The following YTHDF3 variants were observed in gnomAD, a reference collection of about 807,000 sequenced individuals.
YTHDF3 encodes the protein YTH N6-methyladenosine RNA binding protein F3.
In YTHDF3, 9 loss-of-function variants were observed where a neutral mutation model predicts 52.5. That is an observed-to-expected ratio of 0.17 (90% CI 0.10 to 0.30). The LOEUF (loss-of-function observed/expected upper bound fraction) is 0.30, where lower values mean the gene tolerates loss of function less well. Among genes scored for constraint, YTHDF3 ranks in the 10% least tolerant of loss-of-function variants. The pLI, the probability that YTHDF3 is intolerant of heterozygous loss-of-function variation, is 1.00. For synonymous variants in YTHDF3, 274 were observed against 243.3 expected, an observed-to-expected ratio of 1.13 and a Z score of -1.18; for missense variants, 534 against 715.0, an observed-to-expected ratio of 0.75 and a Z score of 2.89.
intron 3 of YTHDF3, chr8:63,175,699 T>C (rs751257877): frequency 1.8e-5 from 4 of 225,472 alleles, no homozygotes; most frequent in Admixed American, 5.1e-5. Flanking sequence ...TGTGTGTGTA[T>C]TGAAGGAACT....
In YTHDF3 at chr8:63,212,564, G is replaced by T. The variant is rs1391062624; in HGVS notation, c.*2858G>T. 1 of 152,580 alleles carries T rather than the reference G, an allele frequency of 6.6e-6. No homozygotes were observed. Among genetic ancestry groups the T allele is most frequent in the Non-Finnish European group, 1.5e-5 (1 of 68,022 alleles). 9.5% of individuals were successfully genotyped at this position (152,580 alleles called of 1,614,324 possible). ...TTTTGCATATCTTTTGTTATGCCAT[G>T]TAAATTCCCTTTTTCGTATGATTAA... is the stretch of plus-strand genomic sequence containing the variant. On this transcript the variant is annotated 3_prime_UTR_variant, in exon 5 of 5. Transcript: ENST00000539294.
At chr8:63,173,907 T>G (rs1807513204) in intron 2 of YTHDF3, among the ~76,000 whole-genome samples, 1 of 152,204 alleles carries the variant, frequency 6.6e-6, no homozygotes, top group African/African-American at 2.4e-5. Context: ...TCTTGTGGCC[T>G]CTGAGGGGCA....
intron 3 of YTHDF3, among the ~76,000 whole-genome samples, chr8:63,180,155 G>C (rs1364099291): frequency 6.7e-6 from 1 of 149,994 alleles, no homozygotes; most frequent in Admixed American, 6.6e-5. Flanking sequence ...GCTGCTGGGC[G>C]GAGGGGCTCC....
chr8:63,210,794 C>G lies in YTHDF3; in HGVS notation c.*1088C>G, dbSNP rs1265867415. On this transcript the variant is annotated 3_prime_UTR_variant, in exon 5 of 5. Coordinates refer to ENST00000539294, the MANE Select transcript of YTHDF3 (RefSeq NM_152758.6). ...CAGATCTATATAAGTGGGAATACAG[C>G]ATATATCTGGATATTCTTATAGTTA... The G allele has an allele frequency of 6.6e-6, 1 of 152,506 alleles. No homozygotes were observed. The highest frequency in any genetic ancestry group is 1.9e-4 in the East Asian group (1 of 5,202). The allele number at this position is 152,506 out of a possible 1,614,324, so 9.4% of individuals were successfully genotyped here.
At chr8:63,189,293 T>G (rs900579896) in intron 4 of YTHDF3, among the ~76,000 whole-genome samples, 1 of 151,946 alleles carries the variant, frequency 6.6e-6, no homozygotes, top group Non-Finnish European at 1.5e-5. Context: ...GCCACAAGAG[T>G]CAGTTCAACT....
rs373453296 is a variant in YTHDF3 at position 63,186,560 on chromosome 8, C to A, written c.549C>A (p.Gly183=). The part of the protein sequence containing the change: ...FGNDTLSKVP[G]ISSIEQGMTG... ...ATGATACTTTGAGTAAGGTGCCTGGCATTAGCAGTATTGAGCAAGGCATGA... is the reference window on the plus strand; with the variant it reads ...ATGATACTTTGAGTAAGGTGCCTGGAATTAGCAGTATTGAGCAAGGCATGA... Residue 183 remains glycine, a synonymous_variant, in exon 4 of 5, where the codon GGC becomes GGA. Coordinates refer to ENST00000539294, the MANE Select transcript of YTHDF3 (RefSeq NM_152758.6). 2 of 1,613,958 alleles carry A rather than the reference C, an allele frequency of 1.2e-6. No individual in the cohort carries two copies. Among genetic ancestry groups the A allele is most frequent in the Non-Finnish European group, 1.7e-6 (2 of 1,179,888 alleles).
At chr8:63,196,837 A>G (rs1034447100) in intron 4 of YTHDF3, among the ~76,000 whole-genome samples, 5 of 152,198 alleles carry the variant, frequency 3.3e-5, no homozygotes, top group African/African-American at 1.2e-4. Context: ...GAGCTTAGCC[A>G]CGTACTGTTC....
At chr8:63,200,208 G>T (rs35466677) in intron 4 of YTHDF3, among the ~76,000 whole-genome samples, 10 of 152,132 alleles carry the variant, frequency 6.6e-5, no homozygotes, top group Admixed American at 4.6e-4. Flanking sequence ...CTGTATGCCA[G>T]AGGCTGCCTA....
In YTHDF3 at chr8:63,210,981, C is replaced by A. The variant is rs1810341232; in HGVS notation, c.*1275C>A. The A allele has an allele frequency of 6.6e-6, 1 of 152,310 alleles. No homozygotes were observed. The highest frequency in any genetic ancestry group is 1.5e-5 in the Non-Finnish European group (1 of 67,940). The allele number at this position is 152,310 out of a possible 1,614,324, so 9.4% of individuals were successfully genotyped here. ...TGTACTGCCCCATGTATTACTGTTC[C>A]AAAAGGAGAAAGCTATGTAGAAAGA... On this transcript the variant is annotated 3_prime_UTR_variant, in exon 5 of 5. Coordinates refer to ENST00000539294, the MANE Select transcript of YTHDF3 (RefSeq NM_152758.6).
In YTHDF3 at chr8:63,209,675, T is replaced by C; in HGVS notation, c.1735-8T>C. 1.9e-6 allele frequency: 3 copies of C among 1,570,834 alleles called. No homozygotes were observed. Among genetic ancestry groups the C allele is most frequent in the Non-Finnish European group, 2.6e-6 (3 of 1,165,608 alleles). ...TCTTTTTGTGTGTGTGTGTTTTTTT[T>C]TTTTCAGGAGAGAAATAGAAACAAA... On this transcript the variant is annotated splice_polypyrimidine_tract_variant and splice_region_variant and intron_variant, in intron 4 of 4. Transcript: ENST00000539294.
At chr8:63,176,706 C>T (rs1411019077) in intron 3 of YTHDF3, among the ~76,000 whole-genome samples, 1 of 149,516 alleles carries the variant, frequency 6.7e-6, no homozygotes, top group African/African-American at 2.5e-5. Context: ...TTGAGACAGT[C>T]TTGTTTTGTT....
At chr8:63,173,637 T>TA in intron 2 of YTHDF3, 6 of 985,332 alleles carry the variant, frequency 6.1e-6, no homozygotes, top group Non-Finnish European at 7.2e-6. Context: ...CATGCATACT[T>TA]ACCTTTGATT....
chr8:63,194,074 A>G (rs958589833), intron 4 of YTHDF3, among the ~76,000 whole-genome samples: 23 of 151,788 alleles, frequency 1.5e-4, no homozygotes, highest in Non-Finnish European at 2.6e-4. Flanking sequence ...AATGTCCATC[A>G]TTAGGAAAAT....
At chr8:63,169,074 C>A in intron 1 of YTHDF3, 173 bp downstream of exon 1, 2 of 1,389,552 alleles carry the variant, frequency 1.4e-6, no homozygotes, top group African/African-American at 1.5e-5. Flanking sequence ...GGCCCCGTAG[C>A]TTGCGGGCGG....
rs377301676 is a variant in YTHDF3 at position 63,174,048 on chromosome 8, A to T, written c.50-1283A>T. Among the ~76,000 whole-genome samples the T allele has an allele frequency of 1.1e-4, 17 of 152,198 alleles. No individual in the cohort carries two copies. In the East Asian group the frequency reaches 1.2e-3, roughly 10 times the overall value. Reference sequence around the variant, plus strand: ...TTTGCTCCCAAGCCACTGTTAACTCATAATATTACATTTTAGGTGCTCTAC... The same window carrying T: ...TTTGCTCCCAAGCCACTGTTAACTCTTAATATTACATTTTAGGTGCTCTAC... On this transcript the variant is annotated intron_variant, in intron 2 of 4. Transcript: ENST00000539294.
At position 63,184,515 on chromosome 8, in the gene YTHDF3, C is replaced by T. The variant is rs115565178; in HGVS notation, c.136-1632C>T. On this transcript the variant is annotated intron_variant, in intron 3 of 4. Transcript: ENST00000539294. ...TTACAAGAGTTAGATGGGTATACCA[C>T]AGGTAATTTAATAGTAAAACAAGTA... is the stretch of plus-strand genomic sequence containing the variant. Among the ~76,000 whole-genome samples, 497 of 152,324 alleles carry T rather than the reference C, an allele frequency of 3.3e-3. 2 individuals carry two copies. Among genetic ancestry groups the T allele is most frequent in the African/African-American group, 0.011 (464 of 41,578 alleles).
At position 63,187,583 on chromosome 8, in the gene YTHDF3, T is replaced by C. The variant is rs749139583; in HGVS notation, c.1572T>C (p.Asn524=). The change falls in exon 4 of 5, where the codon AAT becomes AAC. Residue 524 remains asparagine (N), a synonymous_variant. Coordinates refer to ENST00000539294, the MANE Select transcript of YTHDF3 (RefSeq NM_152758.6). ...TACGGCATATTCGCTTAGAAAATAA[T>C]GACAACAAACCGGTTACCAATTCAA... ...NQLRHIRLEN[N]DNKPVTNSRD... 2 of 1,613,658 alleles carry C rather than the reference T, an allele frequency of 1.2e-6. No homozygotes were observed. Among genetic ancestry groups the C allele is most frequent in the Middle Eastern group, 1.7e-4 (1 of 6,060 alleles).
intron 2 of YTHDF3, 87 bp downstream of exon 2, chr8:63,169,498 C>A: frequency 2.8e-6 from 4 of 1,422,268 alleles, no homozygotes; most frequent in Non-Finnish European, 3.8e-6. Flanking sequence ...TTTGTTTTTG[C>A]TCCCTCTTGG....
Position 63,187,222 on chromosome 8 carries a change from A to G in YTHDF3, c.1211A>G (p.Tyr404Cys), listed in dbSNP as rs1808581287. The G allele has an allele frequency of 1.2e-6, 2 of 1,614,038 alleles. No individual in the cohort carries two copies. Among genetic ancestry groups the G allele is most frequent in the South Asian group, 1.1e-5 (1 of 91,082 alleles). ...VLEKLKAINN[Y>C]NPKDFDWNLK... is the part of the protein sequence containing the mutation. ...GAAAAGCTAAAGGCCATAAACAACT[A>G]TAATCCCAAAGACTTTGATTGGAAT... The change falls in exon 4 of 5, where the codon TAT (tyrosine) becomes TGT (cysteine). Residue 404 changes from tyrosine (Y) to cysteine (C), a missense_variant. Physicochemically the swap from Tyr to Cys is radical, Grantham distance 194. Coordinates refer to ENST00000539294, the MANE Select transcript of YTHDF3 (RefSeq NM_152758.6).
Sources: gnomAD v4.1 joint callset for allele counts (sites outside exome capture counted in the v4.1 genomes callset) on GRCh38, gnomAD v4.1.1 for gene constraint, MANE v1.5 for transcripts, NCBI Gene and HGNC (gene_info 2026-07-23, HGNC 2026-07-21) for gene names.